Variants in C2 observed in about 807,000 individuals in gnomAD.
The protein encoded by C2 is complement C2.
Under a neutral mutation model 85.2 loss-of-function variants are expected in C2, and 64 were observed. The ratio of observed to expected loss-of-function variants is 0.75; its 90% confidence interval spans 0.61 to 0.92. C2 has a LOEUF of 0.92. Ranked by LOEUF, C2 falls within the 40% of genes least tolerant of loss-of-function variation. The pLI is 0.00. For missense variants in C2, 820 were observed against 971.6 expected, an observed-to-expected ratio of 0.84 and a Z score of 2.07; for synonymous variants, 311 against 370.8, an observed-to-expected ratio of 0.84 and a Z score of 1.85.
At chr6:31,927,593 T>C (rs1769351691), upstream of C2, 2 of 1,565,932 alleles carry the variant, frequency 1.3e-6, no homozygotes, top group Admixed American at 3.7e-5. The surrounding 1 kb of genome is among the most constrained non-coding windows in gnomAD (Gnocchi z 4.7). Context: ...AATCCCTGCT[T>C]ATTATTTCCC....
chr6:31,906,389 C>A (rs1196538992), intron 1 of C2, among the ~76,000 whole-genome samples: 1 of 151,868 alleles, frequency 6.6e-6, no homozygotes, highest in Non-Finnish European at 1.5e-5. Context: ...AGCCCTCTCC[C>A]AGCCTCAACC....
chr6:31,923,247 A>T (rs1294126827), upstream of C2, among the ~76,000 whole-genome samples: 1 of 152,140 alleles, frequency 6.6e-6, no homozygotes, highest in Non-Finnish European at 1.5e-5. Context: ...CCTCCTGGAG[A>T]GCTGACAGTG....
upstream of C2, among the ~76,000 whole-genome samples, chr6:31,917,428 A>G (rs188945965): frequency 2.6e-3 from 402 of 152,274 alleles, 3 homozygotes; most frequent in African/African-American, 7.8e-3. Flanking sequence ...GGAACTAAAT[A>G]TTGAGCACAT....
At chr6:31,899,540 C>G (rs1461421461), upstream of C2, 1 of 166,562 alleles carries the variant, frequency 6.0e-6, no homozygotes, top group Non-Finnish European at 1.3e-5. Flanking sequence ...CCACCCACCC[C>G]CCAACCCTTC....
At chr6:31,925,054 G>A (rs1197009889), upstream of C2, among the ~76,000 whole-genome samples, 1 of 152,122 alleles carries the variant, frequency 6.6e-6, no homozygotes, top group Admixed American at 6.6e-5. Flanking sequence ...TGAGGGCTAG[G>A]GAGGAAGGAC....
chr6:31,940,761 G>A (rs1215472359), intron 9 of C2, among the ~76,000 whole-genome samples: 1 of 152,170 alleles, frequency 6.6e-6, no homozygotes, highest in Non-Finnish European at 1.5e-5. Flanking sequence ...AAAATAAGCA[G>A]GAAACCAAAC....
Position 31,937,415 on chromosome 6 carries a change from T to C in C2, c.1085T>C (p.Met362Thr), listed in dbSNP as rs2151760651. 2 of 1,612,734 alleles carry C rather than the reference T, an allele frequency of 1.2e-6. No individual in the cohort carries two copies. Among genetic ancestry groups the C allele is most frequent in the Non-Finnish European group, 1.7e-6 (2 of 1,179,970 alleles). ...ATGCGACTCCTCGGCATGGAAACGA[T>C]GGCCTGGCAGGAAATCCGACATGCC... ...NQMRLLGMET[M>T]AWQEIRHAII... The change falls in exon 8 of 18, where the codon ATG becomes ACG. Residue 362 changes from methionine to threonine, a missense_variant. Transcript: ENST00000299367.
In C2 at chr6:31,944,314, C is replaced by A; in HGVS notation, c.1902+88C>A. ...CCTTCTCCAGGTCTGGCTGCTTTCTCTCTCTGACGCGGGTCACCCCTCCTC... is the reference window on the plus strand; with the variant it reads ...CCTTCTCCAGGTCTGGCTGCTTTCTATCTCTGACGCGGGTCACCCCTCCTC... On this transcript the variant is annotated intron_variant, in intron 15 of 17. Coordinates refer to ENST00000299367, the MANE Select transcript of C2 (RefSeq NM_000063.6). This position sits in a 1 kb window ranked among gnomAD's most constrained non-coding sequence, Gnocchi z 5.1. The A allele has an allele frequency of 1.1e-6, 1 of 948,028 alleles. No individual in the cohort carries two copies. The highest frequency in any genetic ancestry group is 2.4e-5 in the East Asian group (1 of 41,394). 58.7% of individuals were successfully genotyped at this position (948,028 alleles called of 1,614,324 possible).
At chr6:31,932,851 C>T (rs867215199) in intron 3 of C2, among the ~76,000 whole-genome samples, 75 of 152,386 alleles carry the variant, frequency 4.9e-4, no homozygotes, top group Admixed American at 6.5e-4. Flanking sequence ...AACGAGACTC[C>T]GTCTGCAATC....
chr6:31,944,179 G>C lies in C2; in HGVS notation c.1855G>C (p.Ala619Pro), dbSNP rs1262802568. The change falls in exon 15 of 18, where the codon GCC becomes CCC. Residue 619 changes from alanine (A) to proline (P), a missense_variant. By Grantham distance (27) the Ala-to-Pro change is conservative. Coordinates refer to ENST00000299367, the MANE Select transcript of C2 (RefSeq NM_000063.6). This position sits in a 1 kb window ranked among gnomAD's most constrained non-coding sequence, Gnocchi z 5.1. The stretch of plus-strand genomic sequence containing the variant: ...ACAGAGTGTTCCTGCTCATTTTGTC[G>C]CCTTGAATGGGAGCAAACTGAACAT... ...NKQSVPAHFV[A>P]LNGSKLNINL... 1 of 1,612,728 alleles carries C rather than the reference G, an allele frequency of 6.2e-7. No individual in the cohort carries two copies.
Position 31,937,377 on chromosome 6 carries a change from G to C in C2, c.1047G>C (p.Met349Ile), listed in dbSNP as rs1052827440. Residue 349 changes from methionine to isoleucine, a missense_variant, in exon 8 of 18, where the codon ATG becomes ATC. Physicochemically the swap from Met to Ile is conservative, Grantham distance 10. Coordinates refer to ENST00000299367, the MANE Select transcript of C2 (RefSeq NM_000063.6). The stretch of plus-strand genomic sequence containing the variant: ...CGGCCTTAAACAGTGTCTATCTCAT[G>C]ATGAACAACCAAATGCGACTCCTCG... Reference protein sequence around the residue: ...TYAALNSVYLMMNNQMRLLGM... With the variant: ...TYAALNSVYLIMNNQMRLLGM... The C allele has an allele frequency of 1.2e-6, 2 of 1,612,844 alleles. No homozygotes were observed.
Position 31,933,830 on chromosome 6 carries a change from A to G in C2, c.617-37A>G, listed in dbSNP as rs754916117. On this transcript the variant is annotated intron_variant, in intron 4 of 17. Coordinates refer to ENST00000299367, the MANE Select transcript of C2 (RefSeq NM_000063.6). ...CTGAGATTCCTCGGCACACCCGGCC[A>G]CTGCCCCGGCTGACTCCTGTGTGGC... The G allele has an allele frequency of 5.0e-6, 8 of 1,613,662 alleles. No homozygotes were observed. The East Asian group carries it at 1.3e-4, about 27-fold the overall frequency.
intron 3 of C2, among the ~76,000 whole-genome samples, chr6:31,929,284 G>T (rs1769527751): frequency 1.3e-5 from 2 of 152,276 alleles, no homozygotes; most frequent in Admixed American, 6.5e-5. Flanking sequence ...CCAGGTTTGG[G>T]TTCCAAGCCC....
intron 1 of C2, among the ~76,000 whole-genome samples, chr6:31,908,389 C>G (rs1179341690): frequency 6.6e-6 from 1 of 151,584 alleles, no homozygotes; most frequent in Non-Finnish European, 1.5e-5. Context: ...GGGTGACTCA[C>G]TCCTGTAATC....
chr6:31,915,130 A>G (rs1001381090), upstream of C2, among the ~76,000 whole-genome samples: 6 of 152,190 alleles, frequency 3.9e-5, no homozygotes, highest in South Asian at 2.1e-4. Context: ...CAGCCCCTAC[A>G]TACTGATTCC....
chr6:31,937,221 A>AC, intron 7 of C2, 98 bp from the exon 8 acceptor site: 1 of 1,394,852 alleles, frequency 7.2e-7, no homozygotes, highest in Non-Finnish European at 1.0e-6. Flanking sequence ...AAAAAAAAAA[A>AC]ATTGCATTTC....
chr6:31,910,875 G>T (rs1310480523), intron 1 of C2, among the ~76,000 whole-genome samples: 4 of 152,006 alleles, frequency 2.6e-5, no homozygotes, highest in Admixed American at 2.0e-4. Flanking sequence ...AGCTACTCGG[G>T]AGGCTGAGGC....
intron 3 of C2, among the ~76,000 whole-genome samples, chr6:31,931,713 T>C (rs1769766824): frequency 6.6e-6 from 1 of 152,188 alleles, no homozygotes; most frequent in African/African-American, 2.4e-5. Flanking sequence ...TTTCCCCACC[T>C]TTCCCCCCTT....
At chr6:31,899,917 CCTGCGCGG>C, upstream of C2, 1 of 1,566,806 alleles carries the variant, frequency 6.4e-7, no homozygotes, top group East Asian at 2.3e-5. Flanking sequence ...GGCCTCCACG[CCTGCGCGG>C]CTAGCGGATG....
Sources: gnomAD v4.1 joint callset for allele counts (sites outside exome capture counted in the v4.1 genomes callset) on GRCh38, gnomAD v4.1.1 for gene constraint, Gnocchi (gnomAD v3.1) non-coding constraint, MANE v1.5 for transcripts, NCBI Gene and HGNC (gene_info 2026-07-23, HGNC 2026-07-21) for gene names.